Variants in METTL22 observed in about 807,000 individuals in gnomAD.
METTL22 encodes the protein methyltransferase-like protein 22.
A neutral mutation model predicts 48.4 loss-of-function variants in METTL22; 51 were observed. The observed-to-expected ratio is 1.05, with a 90% CI of 0.84 to 1.33. METTL22 has a LOEUF of 1.33. Among genes scored for constraint, METTL22 ranks in the 40% most tolerant of loss-of-function variants. The pLI is 0.00. For synonymous variants in METTL22, 255 were observed against 214.1 expected, an observed-to-expected ratio of 1.19 and a Z score of -1.67; for missense variants, 678 against 526.9, an observed-to-expected ratio of 1.29 and a Z score of -2.81.
chr16:8,646,613 C>G lies in METTL22; in HGVS notation c.*470C>G, dbSNP rs1308526799. ...CTCCCAGGGTTGGGTATGCTCCACC[C>G]CATCACTCTGGTGAGGGCCCCATGA... On this transcript the variant is annotated 3_prime_UTR_variant, in exon 11 of 11. Coordinates refer to ENST00000381920, the MANE Select transcript of METTL22 (RefSeq NM_024109.4). 1 of 460,052 alleles carries G rather than the reference C, an allele frequency of 2.2e-6. No individual in the cohort carries two copies. Among genetic ancestry groups the G allele is most frequent in the East Asian group, 6.9e-5 (1 of 14,564 alleles). 28.5% of individuals were successfully genotyped at this position (460,052 alleles called of 1,614,324 possible). A position where few individuals can be genotyped will look rare whatever the true frequency, so the allele number is the denominator to read the frequency against.
chr16:8,651,573 G>A (rs888796960), downstream of METTL22, among the ~76,000 whole-genome samples: 1 of 152,014 alleles, frequency 6.6e-6, no homozygotes, highest in Non-Finnish European at 1.5e-5. Context: ...ATCATCACCT[G>A]CTAGAGACAT....
the METTL22 span, among the ~76,000 whole-genome samples, chr16:8,664,475 A>T: frequency 6.6e-6 from 1 of 150,816 alleles, no homozygotes; most frequent in Non-Finnish European, 1.5e-5. Context: ...TTTTTTTGAG[A>T]TGGGGTCTTG....
downstream of METTL22, among the ~76,000 whole-genome samples, chr16:8,652,852 C>G (rs577974533): frequency 6.6e-6 from 1 of 152,286 alleles, no homozygotes; most frequent in South Asian, 2.1e-4. Context: ...TCGGCTGCAG[C>G]AGCCATGTGT....
chr16:8,651,052 AAAG>A (rs2056887394), downstream of METTL22, among the ~76,000 whole-genome samples: 1 of 151,390 alleles, frequency 6.6e-6, no homozygotes, highest in African/African-American at 2.4e-5. Flanking sequence ...AATGGGAAAA[AAAG>A]AGGGTAAGAA....
chr16:8,655,947 A>G, the METTL22 span, among the ~76,000 whole-genome samples: 1 of 152,178 alleles, frequency 6.6e-6, no homozygotes, highest in Non-Finnish European at 1.5e-5. Context: ...CTGACAAGAC[A>G]TAGTTCTTGA....
the METTL22 span, among the ~76,000 whole-genome samples, chr16:8,657,453 A>G: frequency 6.6e-6 from 1 of 152,216 alleles, no homozygotes. Flanking sequence ...CAAAACACCA[A>G]CAATAGCTTT....
intron 9 of METTL22, chr16:8,643,073 A>G (rs1347504559): frequency 1.2e-5 from 2 of 168,336 alleles, no homozygotes; most frequent in Non-Finnish European, 2.6e-5. Context: ...CCACCTTGTG[A>G]TAGCTACACA....
chr16:8,657,968 G>A, the METTL22 span, among the ~76,000 whole-genome samples: 3 of 152,036 alleles, frequency 2.0e-5, no homozygotes, highest in East Asian at 1.9e-4. Context: ...GGCGTGTGAC[G>A]CCATGCCTGG....
At chr16:8,635,107 G>T in intron 4 of METTL22, 28 bp downstream of exon 4, 1 of 1,613,942 alleles carries the variant, frequency 6.2e-7, no homozygotes, top group Non-Finnish European at 8.5e-7. Context: ...GCTTCCTGTG[G>T]CCCTGATGGG....
intron 5 of METTL22, among the ~76,000 whole-genome samples, chr16:8,635,619 A>G (rs991851337): frequency 2.6e-5 from 4 of 152,214 alleles, no homozygotes; most frequent in Non-Finnish European, 5.9e-5. Context: ...CTCCAAAAAC[A>G]GGAGGAATAT....
At chr16:8,622,899 G>C (rs1037238401) in intron 1 of METTL22, among the ~76,000 whole-genome samples, 3 of 152,236 alleles carry the variant, frequency 2.0e-5, no homozygotes, top group South Asian at 2.1e-4. Context: ...AATTCAACTA[G>C]AGATTAAGAA....
downstream of METTL22, among the ~76,000 whole-genome samples, chr16:8,652,039 A>G (rs1231822378): frequency 6.6e-6 from 1 of 152,232 alleles, no homozygotes; most frequent in Non-Finnish European, 1.5e-5. Context: ...CAAGCAAAAA[A>G]GAAAAGTCAT....
At chr16:8,651,847 C>T (rs2056903983), downstream of METTL22, among the ~76,000 whole-genome samples, 2 of 152,112 alleles carry the variant, frequency 1.3e-5, no homozygotes, top group South Asian at 4.1e-4. Flanking sequence ...GAGAACATCA[C>T]ACACCGGGGC....
intron 1 of METTL22, among the ~76,000 whole-genome samples, chr16:8,622,711 A>T (rs533844910): frequency 6.6e-6 from 1 of 152,182 alleles, no homozygotes; most frequent in Non-Finnish European, 1.5e-5. Context: ...GAAAAGTGGT[A>T]ATTGTCTCAT....
intron 2 of METTL22, 100 bp downstream of exon 2, chr16:8,625,898 A>G (rs746951670): frequency 7.3e-5 from 105 of 1,433,096 alleles, no homozygotes; most frequent in Non-Finnish European, 9.3e-5. Context: ...GGATTACGTA[A>G]CTGTTATCCT....
chr16:8,656,499 G>T, the METTL22 span, among the ~76,000 whole-genome samples: 18 of 152,308 alleles, frequency 1.2e-4, no homozygotes, highest in Admixed American at 2.6e-4. Context: ...TGGGACACAG[G>T]GATTCTAATG....
the METTL22 span, among the ~76,000 whole-genome samples, chr16:8,661,379 G>A: frequency 9.9e-5 from 15 of 151,584 alleles, no homozygotes; most frequent in African/African-American, 3.6e-4. Context: ...GGGCGCGGTG[G>A]CTCACACCTG....
chr16:8,633,033 A>G (rs577344925), intron 3 of METTL22, among the ~76,000 whole-genome samples: 49 of 152,216 alleles, frequency 3.2e-4, no homozygotes, highest in African/African-American at 1.0e-3. Flanking sequence ...TCCCAGGCCA[A>G]TGGAGGGAGA....
At chr16:8,641,936 T>A (rs2056631397) in intron 7 of METTL22, 191 bp from the exon 8 acceptor site, 4 of 619,998 alleles carry the variant, frequency 6.5e-6, no homozygotes, top group Non-Finnish European at 1.2e-5. Context: ...AGGCACCTCT[T>A]CCACCATGAC....
Sources: gnomAD v4.1 joint callset for allele counts (sites outside exome capture counted in the v4.1 genomes callset) on GRCh38, gnomAD v4.1.1 for gene constraint, MANE v1.5 for transcripts, NCBI Gene and HGNC (gene_info 2026-07-23, HGNC 2026-07-21) for gene names.